Variants in KIF18A observed in about 807,000 individuals in gnomAD.
The protein encoded by KIF18A is kinesin family member 18A, also known as kinesin-like protein KIF18A.
KIF18A carries 67 observed loss-of-function variants against 103.3 expected under a neutral mutation model. The ratio of observed to expected loss-of-function variants is 0.65; its 90% CI spans 0.53 to 0.79. The LOEUF is 0.79. Among genes scored for constraint, KIF18A ranks in the 30% least tolerant of loss-of-function variants. The probability of loss-of-function intolerance (pLI) is 0.00; values close to 1 mark genes in which losing one functional copy is unlikely to be tolerated. For synonymous variants in KIF18A, 367 were observed against 355.5 expected, an observed-to-expected ratio of 1.03 and a Z score of -0.36; for missense variants, 1,032 against 1,062.5, an observed-to-expected ratio of 0.97 and a Z score of 0.40.
chr11:28,052,711 T>G (rs1850725835), intron 13 of KIF18A, among the ~76,000 whole-genome samples: 1 of 152,136 alleles, frequency 6.6e-6, no homozygotes, highest in Non-Finnish European at 1.5e-5. Flanking sequence ...CTTTCTCTAC[T>G]AGAAGTGAGC....
intron 2 of KIF18A, among the ~76,000 whole-genome samples, chr11:28,096,791 C>A (rs999554141): frequency 2.6e-5 from 4 of 151,376 alleles, no homozygotes; most frequent in South Asian, 2.1e-4. Flanking sequence ...CTAATAATTA[C>A]AAAAATAAGA....
chr11:28,073,761 C>G (rs1163249350), intron 10 of KIF18A, among the ~76,000 whole-genome samples: 1 of 152,166 alleles, frequency 6.6e-6, no homozygotes, highest in East Asian at 1.9e-4. Flanking sequence ...ATTTTTATTG[C>G]TCCAACTAGT....
In KIF18A at chr11:28,082,838, T is replaced by C. The variant is rs377049598; in HGVS notation, c.1262+18A>G. 8 of 1,413,396 alleles carry C rather than the reference T, an allele frequency of 5.7e-6. No individual in the cohort carries two copies. The African/African-American group carries it at 1.2e-4, about 20-fold the overall frequency. 87.6% of individuals were successfully genotyped at this position (1,413,396 alleles called of 1,614,324 possible). On this transcript the variant is annotated intron_variant, in intron 9 of 16. Coordinates refer to ENST00000263181, the MANE Select transcript of KIF18A (RefSeq NM_031217.4). ...AAACAATAAATTCCTCAAAATTAGA[T>C]CTTAATGTAATGTTTACCTTTCGAT...
chr11:28,043,596 T>C (rs1026493170), intron 13 of KIF18A, among the ~76,000 whole-genome samples: 1 of 150,674 alleles, frequency 6.6e-6, no homozygotes, highest in Non-Finnish European at 1.5e-5. Context: ...TACACTGATA[T>C]TTAAAACTAT....
In KIF18A at chr11:28,058,850, T is replaced by A. The variant is rs1324270406; in HGVS notation, c.1948+76A>T. 1.9e-5 allele frequency: 20 copies of A among 1,060,462 alleles called. 1 individual carries two copies. Among genetic ancestry groups the A allele is most frequent in the Non-Finnish European group, 2.8e-5 (20 of 711,852 alleles). The allele number at this position is 1,060,462 out of a possible 1,614,324, so 65.7% of individuals were successfully genotyped here. Reference sequence around the variant, plus strand: ...AATAGACAAACCTATTAAAATTAACTGTTCTATAGATTGATATACAAAGGT... The same window carrying A: ...AATAGACAAACCTATTAAAATTAACAGTTCTATAGATTGATATACAAAGGT... On this transcript the variant is annotated intron_variant, in intron 13 of 16. Transcript: ENST00000263181.
chr11:28,091,027 C>T (rs1050817851), intron 4 of KIF18A, among the ~76,000 whole-genome samples: 6 of 152,012 alleles, frequency 3.9e-5, no homozygotes, highest in African/African-American at 1.4e-4. Flanking sequence ...GCAGGCAGAT[C>T]TTGAGCCCCA....
intron 15 of KIF18A, among the ~76,000 whole-genome samples, chr11:28,030,662 A>G (rs907230926): frequency 1.7e-4 from 26 of 151,936 alleles, no homozygotes; most frequent in African/African-American, 6.3e-4. Context: ...AATGGCAACA[A>G]AAGCCAAAAT....
intron 5 of KIF18A, among the ~76,000 whole-genome samples, 166 bp downstream of exon 5, chr11:28,090,451 T>C (rs1014890681): frequency 3.9e-5 from 6 of 152,226 alleles, no homozygotes; most frequent in Admixed American, 6.5e-5. Context: ...GCATCTCAAT[T>C]ATAAATACTC....
At position 28,035,495 on chromosome 11, in the gene KIF18A, C is replaced by A; in HGVS notation, c.2397-1G>T. ...AGTTGAGAATGAAGAAGGATCAAGCCTGTATATTAATAGTGACAAATAAAA... is the reference window on the plus strand; with the variant it reads ...AGTTGAGAATGAAGAAGGATCAAGCATGTATATTAATAGTGACAAATAAAA... On this transcript the variant is annotated splice_acceptor_variant, in intron 14 of 16. Coordinates refer to ENST00000263181, the MANE Select transcript of KIF18A (RefSeq NM_031217.4). LOFTEE classifies it high-confidence loss of function. 6.5e-7 allele frequency: 1 copy of A among 1,543,006 alleles called. No homozygotes were observed. Among genetic ancestry groups the A allele is most frequent in the Non-Finnish European group, 8.8e-7 (1 of 1,133,960 alleles).
At chr11:28,044,660 AT>A (rs1403850222) in intron 13 of KIF18A, among the ~76,000 whole-genome samples, 1 of 152,132 alleles carries the variant, frequency 6.6e-6, no homozygotes, top group Non-Finnish European at 1.5e-5. Flanking sequence ...AGACAAAAAC[AT>A]TTTGTTGAGA....
chr11:28,020,817 A>G lies in KIF18A; in HGVS notation c.*383T>C, dbSNP rs1850229071. The G allele has an allele frequency of 2.0e-5, 3 of 152,894 alleles. No homozygotes were observed. 9.5% of individuals were successfully genotyped at this position (152,894 alleles called of 1,614,324 possible). A position where few individuals can be genotyped will look rare whatever the true frequency, so the allele number is the denominator to read the frequency against. Reference sequence around the variant, plus strand: ...TAGAGAACCAAATACATCTTGGGCCATAATTTTACCACTTCTAAATTCTTA... The same window carrying G: ...TAGAGAACCAAATACATCTTGGGCCGTAATTTTACCACTTCTAAATTCTTA... On this transcript the variant is annotated 3_prime_UTR_variant, in exon 17 of 17. Coordinates refer to ENST00000263181, the MANE Select transcript of KIF18A (RefSeq NM_031217.4).
intron 13 of KIF18A, among the ~76,000 whole-genome samples, chr11:28,039,132 C>T (rs189263567): frequency 1.3e-4 from 20 of 151,622 alleles, no homozygotes; most frequent in Admixed American, 1.1e-3. Flanking sequence ...TAGAAAAAAG[C>T]GGATATTACC....
chr11:28,091,575 A>G, intron 3 of KIF18A, 62 bp from the exon 4 acceptor site: 7 of 766,568 alleles, frequency 9.1e-6, no homozygotes, highest in Non-Finnish European at 1.5e-5. Context: ...ATTACATCAC[A>G]CATACACTGC....
rs555446079 is a variant in KIF18A at position 28,024,752 on chromosome 11, C to T, written c.2505-902G>A. Among the ~76,000 whole-genome samples the T allele has an allele frequency of 5.9e-4, 89 of 151,938 alleles. 3 individuals carry two copies. The South Asian group carries it at 0.018, about 31-fold the overall frequency. On this transcript the variant is annotated intron_variant, in intron 15 of 16. Coordinates refer to ENST00000263181, the MANE Select transcript of KIF18A (RefSeq NM_031217.4). ...AGTCCTAAAGAGGATCAATTTTTAA[C>T]AGGTAGGATTGGGGGGGGTTGGGTG... is the stretch of plus-strand genomic sequence containing the variant.
At chr11:28,064,849 T>C (rs1406625803) in intron 11 of KIF18A, among the ~76,000 whole-genome samples, 1 of 152,044 alleles carries the variant, frequency 6.6e-6, no homozygotes, top group African/African-American at 2.4e-5. Context: ...ATGGCTAAAG[T>C]ATAGAGTATA....
chr11:28,024,782 AAG>A (rs1227910074), intron 15 of KIF18A, among the ~76,000 whole-genome samples: 8 of 151,960 alleles, frequency 5.3e-5, no homozygotes, highest in Non-Finnish European at 1.2e-4. Flanking sequence ...TGGGTGGAAA[AAG>A]AACATCCTTC....
chr11:28,076,598 G>A (rs1261375617), intron 10 of KIF18A: 1 of 152,364 alleles, frequency 6.6e-6, no homozygotes, highest in Non-Finnish European at 1.5e-5. Context: ...TGTAAAGAAT[G>A]GGTGAGTAAG....
chr11:28,066,426 C>A lies in KIF18A; in HGVS notation c.1590+2833G>T, dbSNP rs116470704. On this transcript the variant is annotated intron_variant, in intron 11 of 16. Transcript: ENST00000263181. ...AGAGCCTGTTGCATTCTATGATGAG[C>A]CTCTATGGCTTTATATGGAATTTCA... Among the ~76,000 whole-genome samples the A allele has an allele frequency of 1.9e-3, 285 of 152,010 alleles. 1 individual carries two copies. Among genetic ancestry groups the A allele is most frequent in the African/African-American group, 6.5e-3 (270 of 41,512 alleles).
rs528880906 is a variant in KIF18A, at chr11:28,040,468, A to G, written c.1949-3804T>C. Reference sequence around the variant, plus strand: ...TTATAGAGTAGAAGTGATAAGAAGGAACTTGGAGGCAGATTATAATTCCTT... The same window carrying G: ...TTATAGAGTAGAAGTGATAAGAAGGGACTTGGAGGCAGATTATAATTCCTT... On this transcript the variant is annotated intron_variant, in intron 13 of 16. Transcript: ENST00000263181. 4.0e-4 allele frequency among the ~76,000 whole-genome samples: 61 copies of G among 151,838 alleles called. No individual in the cohort carries two copies. The South Asian group carries it at 0.012, about 30-fold the overall frequency.
Sources: allele counts gnomAD v4.1 joint callset (sites outside exome capture counted in the v4.1 genomes callset), GRCh38; gene constraint gnomAD v4.1.1; transcripts MANE v1.5; gene names NCBI Gene and HGNC (gene_info 2026-07-23, HGNC 2026-07-21).